The following HACE1 variants were observed in gnomAD, a reference collection of about 807,000 sequenced individuals.
HACE1 encodes HECT domain and ankyrin repeat containing E3 ubiquitin protein ligase 1, also known as E3 ubiquitin-protein ligase HACE1.
HACE1 carries 73 observed loss-of-function variants against 118.4 expected under a neutral mutation model. The observed-to-expected ratio is 0.62, with a 90% CI of 0.51 to 0.75. HACE1 has a LOEUF of 0.75. HACE1 is among the 30% of genes least tolerant of loss of function. HACE1 has a pLI of 0.00. For synonymous variants in HACE1, 368 were observed against 374.8 expected (o/e 0.98, Z 0.21); for missense variants, 749 against 1,102.2 (o/e 0.68, Z 4.54).
Position 104,811,494 on chromosome 6 carries a change from T to G in HACE1, c.535-101A>C, listed in dbSNP as rs1582597133. ...TATAAGGGAAGTTCTTCCCACAACT[T>G]GAAGCTTTACATAGGAACTGAGTGG... On this transcript the variant is annotated intron_variant, in intron 6 of 23. Transcript: ENST00000262903. The G allele has an allele frequency of 6.2e-6, 4 of 643,872 alleles. No individual in the cohort carries two copies. The East Asian group carries it at 1.4e-4, about 23-fold the overall frequency. 39.9% of individuals were successfully genotyped at this position (643,872 alleles called of 1,614,324 possible).
chr6:104,831,980 G>GAAGAGAAGAGAAGAAGAGGA, intron 6 of HACE1, among the ~76,000 whole-genome samples: 1 of 62,928 alleles, frequency 1.6e-5, no homozygotes, highest in South Asian at 5.7e-4. Flanking sequence ...GAAGAGAAGA[G>GAAGAGAAGAGAAGAAGAGGA]AGGAAGGAAG....
At chr6:104,732,630 T>C (rs1775334762) in intron 22 of HACE1, among the ~76,000 whole-genome samples, 1 of 152,152 alleles carries the variant, frequency 6.6e-6, no homozygotes, top group Non-Finnish European at 1.5e-5. Context: ...TAGTCACACA[T>C]TAATGTGAAT....
intron 19 of HACE1, among the ~76,000 whole-genome samples, chr6:104,752,408 T>C (rs1778157380): frequency 1.3e-5 from 2 of 152,172 alleles, no homozygotes; most frequent in South Asian, 4.1e-4. Flanking sequence ...AGTTTATGTC[T>C]ACTCTCACTA....
chr6:104,772,563 C>T (rs1780755694), intron 17 of HACE1, among the ~76,000 whole-genome samples: 1 of 152,182 alleles, frequency 6.6e-6, no homozygotes, highest in Non-Finnish European at 1.5e-5. Context: ...TAACTAAAAA[C>T]TGTAAATGTA....
At chr6:104,819,697 C>T (rs540953423) in intron 6 of HACE1, among the ~76,000 whole-genome samples, 1 of 152,130 alleles carries the variant, frequency 6.6e-6, no homozygotes, top group African/African-American at 2.4e-5. Flanking sequence ...GACACATAGA[C>T]CAATGAAACA....
intron 22 of HACE1, among the ~76,000 whole-genome samples, chr6:104,737,279 T>A: frequency 1.1e-5 from 1 of 89,520 alleles, no homozygotes; most frequent in African/African-American, 5.4e-5. Context: ...TGAGACTCTC[T>A]CTCAAAAAAA....
intron 17 of HACE1, among the ~76,000 whole-genome samples, chr6:104,774,217 G>A (rs11156423): frequency 0.29 from 35,293 of 119,932 alleles, 8,772 homozygotes; most frequent in African/African-American, 0.51. Context: ...AGCCTCCCAA[G>A]TAGCTGGGAC....
At chr6:104,739,577 T>C (rs915244064) in intron 22 of HACE1, among the ~76,000 whole-genome samples, 4 of 152,022 alleles carry the variant, frequency 2.6e-5, no homozygotes, top group African/African-American at 7.2e-5. Context: ...AGAAGGCCAT[T>C]ACATAATGAT....
intron 7 of HACE1, among the ~76,000 whole-genome samples, chr6:104,800,289 T>C (rs947912461): frequency 1.3e-5 from 2 of 152,162 alleles, no homozygotes; most frequent in African/African-American, 4.8e-5. Flanking sequence ...GGGCAGGGCA[T>C]AGCTGAAAAA....
intron 5 of HACE1, among the ~76,000 whole-genome samples, chr6:104,836,617 G>T (rs939046135): frequency 2.0e-5 from 3 of 152,190 alleles, no homozygotes; most frequent in Non-Finnish European, 4.4e-5. Context: ...GGTGGCTAAG[G>T]CAGGAGAATT....
Position 104,844,944 on chromosome 6 carries a change from G to A in HACE1, c.327-1646C>T, listed in dbSNP as rs185049894. ...CTCCCTAAGTGCTGGGATTACAGGC[G>A]TGAGCCACCACACCCGGCCCCCATC... is the stretch of plus-strand genomic sequence containing the variant. On this transcript the variant is annotated intron_variant, in intron 4 of 23. Transcript: ENST00000262903. Among the ~76,000 whole-genome samples the A allele has an allele frequency of 2.6e-5, 4 of 152,184 alleles. No homozygotes were observed. The East Asian group carries it at 5.8e-4, about 22-fold the overall frequency.
chr6:104,825,480 T>A (rs1773232321), intron 6 of HACE1, among the ~76,000 whole-genome samples: 2 of 151,898 alleles, frequency 1.3e-5, no homozygotes. Flanking sequence ...CTGAAGGTAG[T>A]TATGTGCAAG....
intron 19 of HACE1, among the ~76,000 whole-genome samples, chr6:104,759,039 C>A (rs939689165): frequency 2.0e-5 from 3 of 151,810 alleles, no homozygotes; most frequent in Non-Finnish European, 2.9e-5. Flanking sequence ...CAGGAGAACC[C>A]AGAATCATAA....
chr6:104,857,956 C>CAA (rs34623570), intron 1 of HACE1, among the ~76,000 whole-genome samples: 6 of 101,734 alleles, frequency 5.9e-5, no homozygotes, highest in Admixed American at 1.9e-4. Flanking sequence ...GACTCCGTCT[C>CAA]AAAAAAAAAA....
chr6:104,750,035 G>T (rs763451827), intron 20 of HACE1, among the ~76,000 whole-genome samples: 10 of 152,054 alleles, frequency 6.6e-5, no homozygotes, highest in Non-Finnish European at 8.8e-5. Context: ...AAATAATGTA[G>T]AATACTGTGT....
chr6:104,811,019 A>T (rs183803826), intron 7 of HACE1, among the ~76,000 whole-genome samples: 1 of 152,046 alleles, frequency 6.6e-6, no homozygotes, highest in Admixed American at 6.6e-5. Context: ...CAAAAGCTCC[A>T]CATGTAACAT....
At chr6:104,797,509 A>G (rs1769797955) in intron 7 of HACE1, among the ~76,000 whole-genome samples, 1 of 152,116 alleles carries the variant, frequency 6.6e-6, no homozygotes, top group South Asian at 2.1e-4. Flanking sequence ...AAAAATTAAA[A>G]GGAAGGAAGG....
intron 6 of HACE1, among the ~76,000 whole-genome samples, chr6:104,825,916 T>A (rs1451296816): frequency 6.6e-6 from 1 of 152,226 alleles, no homozygotes; most frequent in South Asian, 2.1e-4. Flanking sequence ...CATTATGTGC[T>A]ATGCCCTCCT....
Position 104,814,790 on chromosome 6 carries a change from C to A in HACE1, c.535-3397G>T, listed in dbSNP as rs188334092. ...GTTTAAAAGTGTGTGGCACATCCCC[C>A]CTCACGCTCTTTCTCCCTCTCTCCT... is the stretch of plus-strand genomic sequence containing the variant. On this transcript the variant is annotated intron_variant, in intron 6 of 23. Coordinates refer to ENST00000262903, the MANE Select transcript of HACE1 (RefSeq NM_020771.4). 1.0e-3 allele frequency among the ~76,000 whole-genome samples: 140 copies of A among 137,372 alleles called. 28 individuals carry two copies. The highest frequency in any genetic ancestry group is 3.6e-3 in the African/African-American group (122 of 34,212). 90.1% of individuals were successfully genotyped at this position (137,372 alleles called of 152,430 possible). A position where few individuals can be genotyped will look rare whatever the true frequency, so the allele number is the denominator to read the frequency against.
Sources: allele counts gnomAD v4.1 joint callset (sites outside exome capture counted in the v4.1 genomes callset), GRCh38; gene constraint gnomAD v4.1.1; transcripts MANE v1.5; gene names NCBI Gene and HGNC (gene_info 2026-07-23, HGNC 2026-07-21).